The following WWP1 variants were observed in gnomAD, a reference collection of about 807,000 sequenced individuals.
WWP1 encodes the protein WW domain containing E3 ubiquitin protein ligase 1.
Under a neutral mutation model 130.6 loss-of-function variants are expected in WWP1, and 49 were observed. The observed-to-expected ratio is 0.38, with a 90% CI of 0.30 to 0.48. The LOEUF is 0.48. Among genes scored for constraint, WWP1 ranks in the 20% least tolerant of loss-of-function variants. WWP1 has a pLI of 0.99. For missense variants in WWP1, 809 were observed against 1,100.6 expected, an observed-to-expected ratio of 0.74 and a Z score of 3.75; for synonymous variants, 332 against 367.8, an observed-to-expected ratio of 0.90 and a Z score of 1.11.
rs560558334 is a variant in WWP1 at position 86,460,900 on chromosome 8, C to T, written c.2500-324C>T. ...TCTTGGCTCACTACAAGCTCCACCT[C>T]CCGGGTTCACGCCATTCTCCTGCCT... On this transcript the variant is annotated intron_variant, in intron 22 of 24. Transcript: ENST00000517970. Among the ~76,000 whole-genome samples, 3 of 144,824 alleles carry T rather than the reference C, an allele frequency of 2.1e-5. No homozygotes were observed. The South Asian group carries it at 7.0e-4, about 34-fold the overall frequency.
intron 14 of WWP1, among the ~76,000 whole-genome samples, chr8:86,434,278 T>TA (rs1356888511): frequency 6.6e-6 from 1 of 152,246 alleles, no homozygotes; most frequent in Non-Finnish European, 1.5e-5. Context: ...TAAATGGCCT[T>TA]ACAGGATCTG....
At chr8:86,348,690 CTT>C (rs1822742880) in intron 1 of WWP1, among the ~76,000 whole-genome samples, 2 of 152,168 alleles carry the variant, frequency 1.3e-5, no homozygotes, top group Admixed American at 1.3e-4. Context: ...GGGCATAGAA[CTT>C]TATCTTCTCA....
At chr8:86,457,801 C>A in intron 21 of WWP1, 120 bp from the exon 22 acceptor site, 1 of 733,012 alleles carries the variant, frequency 1.4e-6, no homozygotes, top group Non-Finnish European at 2.2e-6. Context: ...TCATTATATG[C>A]CATGCATATA....
At chr8:86,461,881 C>A (rs1482877050) in intron 24 of WWP1, 35 bp downstream of exon 24, 17 of 1,525,352 alleles carry the variant, frequency 1.1e-5, no homozygotes, top group Non-Finnish European at 1.4e-5. Context: ...AAGGTGAAAG[C>A]CACAGAGAAT....
At chr8:86,441,526 T>A (rs944815417) in intron 17 of WWP1, among the ~76,000 whole-genome samples, 15 of 152,208 alleles carry the variant, frequency 9.9e-5, no homozygotes, top group African/African-American at 3.1e-4. Flanking sequence ...CATTTGAAAA[T>A]CATTAGATTA....
intron 14 of WWP1, among the ~76,000 whole-genome samples, chr8:86,432,440 T>C (rs1465709176): frequency 5.3e-5 from 8 of 152,106 alleles, no homozygotes; most frequent in African/African-American, 1.9e-4. Context: ...ACCCCCACTT[T>C]TCTACTTAAT....
chr8:86,464,674 C>T (rs967986825), intron 24 of WWP1, among the ~76,000 whole-genome samples: 1 of 152,084 alleles, frequency 6.6e-6, no homozygotes, highest in Non-Finnish European at 1.5e-5. Context: ...CGCCACTATG[C>T]CTGGCTAATT....
chr8:86,407,472 C>T (rs1175316727), intron 8 of WWP1, among the ~76,000 whole-genome samples: 3 of 152,150 alleles, frequency 2.0e-5, no homozygotes, highest in Non-Finnish European at 4.4e-5. Context: ...TATTCCTGAT[C>T]TGTATCCACT....
chr8:86,468,440 A>T lies in WWP1; in HGVS notation c.*1547A>T. 1 of 439,408 alleles carries T rather than the reference A, an allele frequency of 2.3e-6. No homozygotes were observed. Among genetic ancestry groups the T allele is most frequent in the Non-Finnish European group, 4.5e-6 (1 of 222,940 alleles). The allele number at this position is 439,408 out of a possible 1,614,324, so 27.2% of individuals were successfully genotyped here. ...TTTTCAAGCCTAAAGAATTAAAAAA[A>T]AAATTCTAATGTATGTGACAGGTTA... On this transcript the variant is annotated 3_prime_UTR_variant, in exon 25 of 25. Transcript: ENST00000517970.
chr8:86,424,522 A>T (rs1389562103), intron 9 of WWP1, among the ~76,000 whole-genome samples: 1 of 152,024 alleles, frequency 6.6e-6, no homozygotes, highest in Non-Finnish European at 1.5e-5. Context: ...ACCATTGAGC[A>T]CTGAGTGAAC....
In WWP1 at chr8:86,411,843, G is replaced by T; in HGVS notation, c.1030G>T (p.Gly344Trp). Reference protein sequence around the residue: ...GCMDPVRQQSGNANTETLPSG... With the variant: ...GCMDPVRQQSWNANTETLPSG... ...TATGGATCCTGTACGGCAGCAGTCT[G>T]GGAATGCCAACACAGAAACCTTGCC... The change falls in exon 9 of 25, where the codon GGG becomes TGG. Residue 344 changes from glycine (G) to tryptophan (W), a missense_variant. This residue lies in a region of WWP1 where 97 missense variants were observed against 80.4 expected (regional missense o/e 1.21). Transcript: ENST00000517970. The T allele has an allele frequency of 6.2e-7, 1 of 1,610,970 alleles. No individual in the cohort carries two copies. Among genetic ancestry groups the T allele is most frequent in the Non-Finnish European group, 8.5e-7 (1 of 1,177,796 alleles).
Position 86,406,475 on chromosome 8 carries a change from C to G in WWP1, c.724+4272C>G, listed in dbSNP as rs185218576. Among the ~76,000 whole-genome samples, 874 of 152,132 alleles carry G rather than the reference C, an allele frequency of 5.7e-3. 1 individual carries two copies. The highest frequency in any genetic ancestry group is 0.014 in the Middle Eastern group (4 of 292). ...AGTTTATTATATTTTTTTCTTAGCTCTTTATTCTGAAGTAATTATAAATAA... is the reference window on the plus strand; with the variant it reads ...AGTTTATTATATTTTTTTCTTAGCTGTTTATTCTGAAGTAATTATAAATAA... On this transcript the variant is annotated intron_variant, in intron 8 of 24. Coordinates refer to ENST00000517970, the MANE Select transcript of WWP1 (RefSeq NM_007013.4).
chr8:86,374,408 G>C (rs1467605947), intron 3 of WWP1, among the ~76,000 whole-genome samples: 1 of 152,134 alleles, frequency 6.6e-6, no homozygotes, highest in Non-Finnish European at 1.5e-5. Context: ...TAATAGGATG[G>C]AGCAGGATGC....
intron 22 of WWP1, 55 bp from the exon 23 acceptor site, chr8:86,461,169 C>T: frequency 6.9e-7 from 1 of 1,458,166 alleles, no homozygotes; most frequent in Admixed American, 1.7e-5. Flanking sequence ...CTACTACTTT[C>T]ATGATTGAAG....
At chr8:86,438,136 AAAG>A (rs772088674) in intron 16 of WWP1, among the ~76,000 whole-genome samples, 2 of 152,232 alleles carry the variant, frequency 1.3e-5, no homozygotes, top group Non-Finnish European at 2.9e-5. Context: ...AAGCTAGAGA[AAAG>A]AAAATTTTTT....
At chr8:86,367,487 TGATA>T (rs1438964260) in intron 1 of WWP1, among the ~76,000 whole-genome samples, 3 of 152,224 alleles carry the variant, frequency 2.0e-5, no homozygotes, top group Non-Finnish European at 4.4e-5. Context: ...AATGAGGATT[TGATA>T]GATCTATAAC....
At chr8:86,445,247 G>A (rs1042970464) in intron 18 of WWP1, among the ~76,000 whole-genome samples, 36 of 152,248 alleles carry the variant, frequency 2.4e-4, no homozygotes, top group African/African-American at 8.4e-4. Flanking sequence ...AAAGTATATT[G>A]TGTGATGCTG....
intron 23 of WWP1, 125 bp downstream of exon 23, chr8:86,461,445 G>T (rs898171301): frequency 2.4e-6 from 2 of 839,762 alleles, no homozygotes; most frequent in Admixed American, 2.6e-5. Context: ...GCTTCATTTA[G>T]AAGAAAGAAA....
At position 86,411,709 on chromosome 8, in the gene WWP1, C is replaced by T. The variant is rs771259130; in HGVS notation, c.896C>T (p.Thr299Ile). 3.8e-5 allele frequency: 62 copies of T among 1,614,032 alleles called. No homozygotes were observed. Among genetic ancestry groups the T allele is most frequent in the Non-Finnish European group, 5.2e-5 (61 of 1,180,028 alleles). ...GAAAACAATGAATGTATTCCTTCTA[C>T]CAGTGCAGAATTGGAATCTGAAGCT... is the stretch of plus-strand genomic sequence containing the variant. ...SSENNECIPS[T>I]SAELESEARS... Residue 299 changes from threonine to isoleucine, a missense_variant, in exon 9 of 25, where the codon ACC becomes ATC. Around this residue, in one of 3 missense-constraint regions of WWP1, gnomAD observed 97 missense variants for 80.4 expected, o/e 1.21. Coordinates refer to ENST00000517970, the MANE Select transcript of WWP1 (RefSeq NM_007013.4).
Sources: allele counts gnomAD v4.1 joint callset (sites outside exome capture counted in the v4.1 genomes callset), GRCh38; gene constraint gnomAD v4.1.1; regional missense constraint gnomAD v4.1.1; transcripts MANE v1.5; gene names NCBI Gene and HGNC (gene_info 2026-07-23, HGNC 2026-07-21).